FRMPD3: variants seen among roughly 807,000 people sequenced by gnomAD.
FRMPD3 encodes the protein FERM and PDZ domain-containing protein 3.
In FRMPD3, 42 loss-of-function variants were observed where a neutral mutation model predicts 97.9. That is an observed-to-expected ratio of 0.43 (90% CI 0.34 to 0.55). The LOEUF is 0.55. FRMPD3 is among the 20% of genes least tolerant of loss of function. The pLI, the probability that FRMPD3 is intolerant of heterozygous loss-of-function variation, is 0.03. For missense variants in FRMPD3, 1,303 were observed against 1,457.7 expected (o/e 0.89, Z 1.73); for synonymous variants, 577 against 581.1 (o/e 0.99, Z 0.10).
At position 107,597,422 on chromosome X, in the gene FRMPD3, C is replaced by T. The variant is rs1329927640; in HGVS notation, c.1543C>T (p.Arg515Cys). Reference sequence around the variant, plus strand: ...GGGCACCAGCCCCAGGAAATCGAGCCGCTGCACGCCCCCACCTGCCGACTC... The same window carrying T: ...GGGCACCAGCCCCAGGAAATCGAGCTGCTGCACGCCCCCACCTGCCGACTC... Reference protein sequence around the residue: ...SVGTSPRKSSRCTPPPADSEL... With the variant: ...SVGTSPRKSSCCTPPPADSEL... The change falls in exon 14 of 15, where the codon CGC becomes TGC. Residue 515 changes from arginine to cysteine, a missense_variant. Physicochemically the swap from Arg to Cys is radical, Grantham distance 180. Around this residue, in one of 3 missense-constraint regions of FRMPD3, gnomAD observed 535 missense variants for 618.6 expected, o/e 0.86. Transcript: ENST00000683843. 9 of 1,210,657 alleles carry T rather than the reference C, an allele frequency of 7.4e-6. No homozygotes were observed. The highest frequency in any genetic ancestry group is 3.5e-5 in the South Asian group (2 of 56,972).
At chrX:107,585,701 T>C (rs780019222) in intron 13 of FRMPD3, among the ~76,000 whole-genome samples, 2 of 112,261 alleles carry the variant, frequency 1.8e-5, no homozygotes, top group Non-Finnish European at 1.9e-5. Context: ...GAGATAATCA[T>C]GTGTTTTTTT....
intron 13 of FRMPD3, among the ~76,000 whole-genome samples, chrX:107,587,273 C>A (rs1384554395): frequency 9.0e-6 from 1 of 111,209 alleles, no homozygotes; most frequent in African/African-American, 3.3e-5. Flanking sequence ...GATTACTACT[C>A]CTGCTTTTTT....
chrX:107,485,697 C>T (rs1921485931), intron 1 of FRMPD3, among the ~76,000 whole-genome samples: 1 of 111,825 alleles, frequency 8.9e-6, no homozygotes, highest in Non-Finnish European at 1.9e-5. Context: ...GCTGTGACCA[C>T]CTGGTCCCTG....
rs1166241993 is a variant in FRMPD3 at position 107,531,580 on chromosome X, G to A, written c.251+1069G>A. 4.5e-5 allele frequency among the ~76,000 whole-genome samples: 5 copies of A among 111,461 alleles called. No individual in the cohort carries two copies. In the Admixed American group the frequency reaches 4.8e-4, roughly 11 times the overall value. On this transcript the variant is annotated intron_variant, in intron 3 of 14. Transcript: ENST00000683843. ...AACTAGCTCTGGAGGGCTTTGGAAT[G>A]TTCCCTCCTGAAGTCCAGAGCATGT...
At chrX:107,538,687 G>A (rs1337635103) in intron 4 of FRMPD3, among the ~76,000 whole-genome samples, 3 of 110,500 alleles carry the variant, frequency 2.7e-5, no homozygotes, top group African/African-American at 6.6e-5. Context: ...TATATATAGA[G>A]TCTCACTCTA....
rs1449711733 is a variant in FRMPD3 at position 107,533,555 on chromosome X, G to A, written c.297+5G>A. 8.3e-7 allele frequency: 1 copy of A among 1,200,748 alleles called. No homozygotes were observed. Among genetic ancestry groups the A allele is most frequent in the Admixed American group, 2.2e-5 (1 of 45,263 alleles). The stretch of plus-strand genomic sequence containing the variant: ...ACAGTTCTGCACACTCATCAGGTGA[G>A]TGAGCCTCTTTGCCATCTGCCCTTC... On this transcript the variant is annotated splice_donor_5th_base_variant and intron_variant, in intron 4 of 14. Coordinates refer to ENST00000683843, the MANE Select transcript of FRMPD3 (RefSeq NM_001388459.1).
chrX:107,481,484 G>A (rs759458489), intron 1 of FRMPD3, among the ~76,000 whole-genome samples: 1 of 112,311 alleles, frequency 8.9e-6, no homozygotes, highest in South Asian at 3.7e-4. Context: ...ACAAGGAAGA[G>A]GGACAGGGAC....
chrX:107,526,937 G>A (rs962855244), intron 2 of FRMPD3, among the ~76,000 whole-genome samples: 1 of 111,740 alleles, frequency 8.9e-6, no homozygotes, highest in East Asian at 2.8e-4. Flanking sequence ...AGGCTGTTTG[G>A]GGCCCTAGAA....
rs181317732 is a variant in FRMPD3 at position 107,470,373 on chromosome X, A to T, written c.-8+20368A>T. Among the ~76,000 whole-genome samples the T allele has an allele frequency of 6.3e-5, 7 of 111,268 alleles. No homozygotes were observed. The East Asian group carries it at 2.0e-3, about 32-fold the overall frequency. On this transcript the variant is annotated intron_variant, in intron 1 of 14. Coordinates refer to ENST00000683843, the MANE Select transcript of FRMPD3 (RefSeq NM_001388459.1). ...GGCTGACGGATGTGCCTCCAAACTC[A>T]CTCATGTGGTGCTGGCAGGCTTCGT...
chrX:107,581,600 AG>A (rs113823369), intron 13 of FRMPD3, among the ~76,000 whole-genome samples: 3,235 of 111,598 alleles, frequency 0.029, 117 homozygotes, highest in African/African-American at 0.1. Context: ...ATCTAATTTT[AG>A]AACATTTTTT....
intron 1 of FRMPD3, among the ~76,000 whole-genome samples, chrX:107,524,430 C>T (rs766578047): frequency 8.9e-6 from 1 of 112,395 alleles, no homozygotes; most frequent in Non-Finnish European, 1.9e-5. Flanking sequence ...CTCATCCTAG[C>T]ATCCCCTTCC....
intron 8 of FRMPD3, 114 bp from the exon 9 acceptor site, chrX:107,560,143 T>C: frequency 1.1e-6 from 1 of 923,161 alleles, no homozygotes; most frequent in Non-Finnish European, 1.5e-6. Context: ...TGTCCCTTGA[T>C]CTAGCATGCC....
chrX:107,585,337 TTTGGGC>T (rs1390277322), intron 13 of FRMPD3, among the ~76,000 whole-genome samples: 1 of 111,576 alleles, frequency 9.0e-6, no homozygotes, highest in East Asian at 2.8e-4. Context: ...TTAAGGAGTT[TTTGGGC>T]TGAGATGATG....
intron 1 of FRMPD3, among the ~76,000 whole-genome samples, chrX:107,495,053 A>G (rs968122373): frequency 8.9e-6 from 1 of 112,795 alleles, no homozygotes; most frequent in African/African-American, 3.2e-5. Flanking sequence ...GACACAGCCT[A>G]CTGCTGAATC....
At chrX:107,564,063 G>A (rs1369707712) in intron 11 of FRMPD3, among the ~76,000 whole-genome samples, 1 of 112,178 alleles carries the variant, frequency 8.9e-6, no homozygotes, top group Non-Finnish European at 1.9e-5. Flanking sequence ...AGGCACAAGA[G>A]GTTCCTCAGG....
Position 107,449,912 on chromosome X carries a change from CCGCCGCCGCTG to C in FRMPD3, c.-88_-78del, listed in dbSNP as rs989588158. Among the ~76,000 whole-genome samples the C allele has an allele frequency of 1.2e-4, 13 of 109,564 alleles. No homozygotes were observed. The East Asian group carries it at 2.9e-3, about 25-fold the overall frequency. On this transcript the variant is annotated 5_prime_UTR_variant, in exon 1 of 15. Transcript: ENST00000683843. Reference sequence around the variant, plus strand: ...CCTAGTCCCGCTGCCGCCGCCGCCGCCGCCGCCGCTGCGCCGCCGCTGCCGCGCCGCTGAGG... The same window carrying C: ...CCTAGTCCCGCTGCCGCCGCCGCCGCCGCCGCCGCTGCCGCGCCGCTGAGG...
At position 107,554,432 on chromosome X, in the gene FRMPD3, A is replaced by G. The variant is rs1921993818; in HGVS notation, c.690A>G (p.Ile230Met). ...HYHGMKCLFR[I>M]SFFPKDPVEL... ...ATGGAATGAAATGCCTCTTCCGAAT[A>G]AGCTTCTTTCCCAAAGACCCTGTGG... is the stretch of plus-strand genomic sequence containing the variant. The change falls in exon 8 of 15, where the codon ATA becomes ATG. Residue 230 changes from isoleucine (I) to methionine (M), a missense_variant. Ile to Met is a conservative substitution (Grantham distance 10, BLOSUM62 1). Around this residue, in one of 3 missense-constraint regions of FRMPD3, gnomAD observed 535 missense variants for 618.6 expected, o/e 0.86. Transcript: ENST00000683843. 2 of 1,208,054 alleles carry G rather than the reference A, an allele frequency of 1.7e-6. No homozygotes were observed. Among genetic ancestry groups the G allele is most frequent in the Non-Finnish European group, 2.2e-6 (2 of 894,425 alleles).
At position 107,598,077 on chromosome X, in the gene FRMPD3, T is replaced by G; in HGVS notation, c.2198T>G (p.Leu733Arg). Residue 733 changes from leucine to arginine, a missense_variant, in exon 14 of 15, where the codon CTG becomes CGG. Leu to Arg is a moderately radical substitution (Grantham distance 102). This residue lies in a region of FRMPD3 where 535 missense variants were observed against 618.6 expected (regional missense o/e 0.86). Transcript: ENST00000683843. ...CTAGATGATGCCCTGGTGTCCACTCTGCAGGCTCTAGAAGCCCTGGCTGCA... is the reference window on the plus strand; with the variant it reads ...CTAGATGATGCCCTGGTGTCCACTCGGCAGGCTCTAGAAGCCCTGGCTGCA... ...QELDDALVST[L>R]QALEALAASE... is the part of the protein sequence containing the mutation. The G allele has an allele frequency of 8.3e-7, 1 of 1,210,914 alleles. No homozygotes were observed. The highest frequency in any genetic ancestry group is 1.1e-6 in the Non-Finnish European group (1 of 895,384).
At chrX:107,572,895 A>ACTG (rs1382317262) in intron 12 of FRMPD3, among the ~76,000 whole-genome samples, 5 of 102,078 alleles carry the variant, frequency 4.9e-5, no homozygotes, top group African/African-American at 1.9e-4. Flanking sequence ...TACTACTACT[A>ACTG]CTACTACTAC....
Sources: gnomAD v4.1 joint callset for allele counts (sites outside exome capture counted in the v4.1 genomes callset) on GRCh38, gnomAD v4.1.1 for gene constraint, gnomAD v4.1.1 regional missense constraint, MANE v1.5 for transcripts, NCBI Gene and HGNC (gene_info 2026-07-23, HGNC 2026-07-21) for gene names.